The following PRKCB variants were observed in gnomAD, a reference collection of about 807,000 sequenced individuals.
PRKCB encodes protein kinase C beta.
A neutral mutation model predicts 81.5 loss-of-function variants in PRKCB; 13 were observed. The ratio of observed to expected loss-of-function variants is 0.16; its 90% CI spans 0.10 to 0.25. The LOEUF is 0.25. Among genes scored for constraint, PRKCB ranks in the 10% least tolerant of loss-of-function variants. The pLI is 1.00. For synonymous variants in PRKCB, 335 were observed against 321.4 expected, an observed-to-expected ratio of 1.04 and a Z score of -0.45; for missense variants, 509 against 875.7, an observed-to-expected ratio of 0.58 and a Z score of 5.29.
chr16:24,220,400 A>G lies in PRKCB; in HGVS notation c.*5584A>G, dbSNP rs1331729656. The G allele has an allele frequency of 1.2e-5, 3 of 242,652 alleles. No individual in the cohort carries two copies. Among genetic ancestry groups the G allele is most frequent in the African/African-American group, 2.2e-5 (1 of 44,520 alleles). The allele number at this position is 242,652 out of a possible 1,614,324, so 15.0% of individuals were successfully genotyped here. On this transcript the variant is annotated 3_prime_UTR_variant, in exon 17 of 17. Coordinates refer to ENST00000643927, the MANE Select transcript of PRKCB (RefSeq NM_002738.7). ...GTCAAAACTACTGTGTCTGATACCA[A>G]AATGCTTCAGTATTTGTAATTTTTC...
At chr16:24,136,712 C>A (rs926372190) in intron 9 of PRKCB, among the ~76,000 whole-genome samples, 4 of 152,022 alleles carry the variant, frequency 2.6e-5, no homozygotes, top group South Asian at 4.2e-4. Context: ...ACCGGGGAAG[C>A]GGTTACTTTT....
At chr16:23,998,538 C>CAA (rs1964989064) in intron 3 of PRKCB, among the ~76,000 whole-genome samples, 1 of 152,176 alleles carries the variant, frequency 6.6e-6, no homozygotes, top group Non-Finnish European at 1.5e-5. Context: ...TTCCTAGCCT[C>CAA]AGATCTGTGT....
At chr16:24,181,021 C>T in intron 13 of PRKCB, 93 bp downstream of exon 13, 5 of 1,476,150 alleles carry the variant, frequency 3.4e-6, no homozygotes, top group East Asian at 2.3e-5. Flanking sequence ...GAGGGTGGTA[C>T]CTTGCAAGGG....
chr16:24,174,049 C>T (rs945540401), intron 11 of PRKCB, among the ~76,000 whole-genome samples: 3 of 152,146 alleles, frequency 2.0e-5, no homozygotes, highest in Non-Finnish European at 4.4e-5. Flanking sequence ...CACTCTGTTG[C>T]TCAGACTGGA....
intron 8 of PRKCB, among the ~76,000 whole-genome samples, chr16:24,119,946 A>G (rs1402726831): frequency 6.6e-6 from 1 of 152,234 alleles, no homozygotes; most frequent in African/African-American, 2.4e-5. Flanking sequence ...AGTAGGCCGA[A>G]AGGGGAAACA....
chr16:23,899,636 CTCTCTCTCTGTG>C (rs1222877987), intron 2 of PRKCB, among the ~76,000 whole-genome samples: 1 of 20,376 alleles, frequency 4.9e-5, no homozygotes, highest in African/African-American at 8.6e-5. Flanking sequence ...CTCTCTCTCT[CTCTCTCTCTGTG>C]TGTGTGTGTG....
chr16:24,209,076 G>A (rs913975423), intron 16 of PRKCB, among the ~76,000 whole-genome samples: 3 of 152,012 alleles, frequency 2.0e-5, no homozygotes, highest in Non-Finnish European at 4.4e-5. Flanking sequence ...AGCCTCTGGG[G>A]AGGCCCAGGC....
intron 2 of PRKCB, among the ~76,000 whole-genome samples, chr16:23,958,124 T>TG (rs1418516560): frequency 6.6e-6 from 1 of 152,162 alleles, no homozygotes; most frequent in East Asian, 1.9e-4. Flanking sequence ...CCTGAGTAGC[T>TG]GGGATTACAG....
At chr16:23,876,453 A>G (rs1388080130) in intron 2 of PRKCB, among the ~76,000 whole-genome samples, 1 of 152,202 alleles carries the variant, frequency 6.6e-6, no homozygotes, top group African/African-American at 2.4e-5. Context: ...TCCCCCGTCC[A>G]CCAGATTAGC....
chr16:23,854,686 A>C (rs1388115720), intron 2 of PRKCB, among the ~76,000 whole-genome samples: 1 of 152,216 alleles, frequency 6.6e-6, no homozygotes, highest in Non-Finnish European at 1.5e-5. Flanking sequence ...GCAAATCACA[A>C]GCCCACCCCA....
intron 2 of PRKCB, among the ~76,000 whole-genome samples, chr16:23,982,126 TCC>T (rs1567333975): frequency 7.2e-4 from 23 of 32,068 alleles, no homozygotes; most frequent in African/African-American, 3.9e-3. Flanking sequence ...CCCTTCCCCT[TCC>T]CTTCCCTTTC....
intron 11 of PRKCB, 46 bp downstream of exon 11, chr16:24,172,407 A>T: frequency 6.5e-7 from 1 of 1,541,220 alleles, no homozygotes; most frequent in Non-Finnish European, 8.9e-7. Flanking sequence ...ATAAATGGGT[A>T]GGTTAGTGGT....
At chr16:24,023,421 T>G (rs2141848126) in intron 3 of PRKCB, among the ~76,000 whole-genome samples, 1 of 152,310 alleles carries the variant, frequency 6.6e-6, no homozygotes, top group Non-Finnish European at 1.5e-5. Flanking sequence ...CAGGCTGGAG[T>G]GCAGTGGCGG....
intron 2 of PRKCB, among the ~76,000 whole-genome samples, chr16:23,944,483 T>C (rs965340652): frequency 3.9e-5 from 6 of 152,236 alleles, no homozygotes; most frequent in African/African-American, 1.4e-4. Context: ...AGTCAAATGT[T>C]AGGGCATTTT....
At chr16:23,980,548 C>T (rs1256924846) in intron 2 of PRKCB, among the ~76,000 whole-genome samples, 1 of 152,136 alleles carries the variant, frequency 6.6e-6, no homozygotes, top group Non-Finnish European at 1.5e-5. Context: ...GAGCTAATGT[C>T]CTTCAGCTTA....
intron 8 of PRKCB, among the ~76,000 whole-genome samples, chr16:24,114,083 G>A (rs1348589514): frequency 1.3e-5 from 2 of 151,118 alleles, no homozygotes; most frequent in East Asian, 4.1e-4. Flanking sequence ...GCTAGGCATG[G>A]TGGTGCACGC....
chr16:23,863,255 TACACACACAC>T (rs57495485), intron 2 of PRKCB, among the ~76,000 whole-genome samples: 1 of 132,822 alleles, frequency 7.5e-6, no homozygotes, highest in African/African-American at 2.9e-5. Flanking sequence ...TATATACACA[TACACACACAC>T]ACACACACAC....
chr16:23,955,073 G>C (rs895104792), intron 2 of PRKCB, among the ~76,000 whole-genome samples: 3 of 152,050 alleles, frequency 2.0e-5, no homozygotes, highest in Non-Finnish European at 4.4e-5. Context: ...GGATCAGTAG[G>C]GAAAAAATTA....
At chr16:23,990,592 C>T (rs1202813127) in intron 3 of PRKCB, among the ~76,000 whole-genome samples, 1 of 150,594 alleles carries the variant, frequency 6.6e-6, no homozygotes, top group Non-Finnish European at 1.5e-5. Context: ...TTGCCCAGGC[C>T]AGAGTGTGGT....
Sources: allele counts gnomAD v4.1 joint callset (sites outside exome capture counted in the v4.1 genomes callset), GRCh38; gene constraint gnomAD v4.1.1; transcripts MANE v1.5; gene names NCBI Gene and HGNC (gene_info 2026-07-23, HGNC 2026-07-21).